Variants in TUB observed in about 807,000 individuals in gnomAD.
The protein encoded by TUB is tubby protein homolog.
Under a neutral mutation model 59.7 loss-of-function variants are expected in TUB, and 33 were observed. The ratio of observed to expected loss-of-function variants is 0.55; its 90% CI spans 0.42 to 0.74. TUB has a LOEUF of 0.74. Among genes scored for constraint, TUB ranks in the 30% least tolerant of loss-of-function variants. The pLI is 0.00. For missense variants in TUB, 659 were observed against 672.0 expected, an observed-to-expected ratio of 0.98 and a Z score of 0.21; for synonymous variants, 293 against 256.4, an observed-to-expected ratio of 1.14 and a Z score of -1.36.
At chr11:8,025,552 G>A (rs1381085052) in intron 1 of TUB, among the ~76,000 whole-genome samples, 4 of 152,148 alleles carry the variant, frequency 2.6e-5, no homozygotes, top group African/African-American at 7.2e-5. Flanking sequence ...TCGTTTCCTA[G>A]AGTTTTGTAT....
chr11:8,093,740 G>T (rs1037749142), intron 3 of TUB, among the ~76,000 whole-genome samples: 1 of 152,204 alleles, frequency 6.6e-6, no homozygotes, highest in Admixed American at 6.5e-5. Flanking sequence ...TTCAGGCTCA[G>T]TATGGTTTGG....
At chr11:8,039,796 C>T (rs541194079) in intron 2 of TUB, 2 of 919,978 alleles carry the variant, frequency 2.2e-6, no homozygotes, top group East Asian at 3.1e-5. Context: ...GGGCCATGAA[C>T]CCCATATGCG....
At position 8,101,505 on chromosome 11, in the gene TUB, G is replaced by C; in HGVS notation, c.1407G>C (p.Gln469His). 6.2e-7 allele frequency: 1 copy of C among 1,614,242 alleles called. No individual in the cohort carries two copies. ...HGNDPDYIVM[Q>H]FGRVAEDVFT... ...CCCCAGCGGACTACATCGTGATGCA[G>C]TTTGGCCGGGTAGCAGAGGATGTGT... Residue 469 changes from glutamine (Q) to histidine (H), a missense_variant, in exon 12 of 12, where the codon CAG becomes CAC. Physicochemically the swap from Gln to His is conservative, Grantham distance 24. Around this residue, in one of 3 missense-constraint regions of TUB, gnomAD observed 226 missense variants for 210.8 expected, o/e 1.07. Coordinates refer to ENST00000299506, the MANE Select transcript of TUB (RefSeq NM_177972.3).
intron 1 of TUB, among the ~76,000 whole-genome samples, chr11:8,085,159 A>G (rs1943641339): frequency 6.6e-6 from 1 of 152,100 alleles, no homozygotes; most frequent in Admixed American, 6.5e-5. Flanking sequence ...GCAGCCTTAT[A>G]ACGACTCCCT....
intron 2 of TUB, among the ~76,000 whole-genome samples, chr11:8,059,146 G>A (rs1943074933): frequency 6.6e-6 from 1 of 152,136 alleles, no homozygotes; most frequent in Non-Finnish European, 1.5e-5. Flanking sequence ...ACAAGCTGTG[G>A]CTTGTCACTA....
intron 2 of TUB, among the ~76,000 whole-genome samples, chr11:8,048,956 A>G (rs1942883128): frequency 6.6e-6 from 1 of 152,216 alleles, no homozygotes; most frequent in Non-Finnish European, 1.5e-5. Flanking sequence ...TAATTCTGTC[A>G]AAGAGATATG....
chr11:8,055,470 C>G lies in TUB; in HGVS notation c.203+15778C>G, dbSNP rs551992154. Among the ~76,000 whole-genome samples the G allele has an allele frequency of 2.6e-5, 4 of 152,152 alleles. No homozygotes were observed. In the East Asian group the frequency reaches 5.8e-4, roughly 22 times the overall value. ...CTAGACAGATGTGCTGGCATCTGCC[C>G]ATCATGGGCCCCAGAGCCCACCCAG... On this transcript the variant is annotated intron_variant, in intron 2 of 12. Coordinates refer to the TUB transcript ENST00000305253.
intron 2 of TUB, among the ~76,000 whole-genome samples, chr11:8,056,748 CTGAG>C (rs1242647729): frequency 6.6e-6 from 1 of 151,846 alleles, no homozygotes; most frequent in Non-Finnish European, 1.5e-5. Context: ...GAGCTTGTCT[CTGAG>C]TGGTATATGG....
chr11:8,101,004 G>T lies in TUB; in HGVS notation c.1387+7G>T. 6.2e-7 allele frequency: 1 copy of T among 1,614,092 alleles called. No individual in the cohort carries two copies. On this transcript the variant is annotated splice_region_variant and intron_variant, in intron 11 of 11. Coordinates refer to ENST00000299506, the MANE Select transcript of TUB (RefSeq NM_177972.3). Reference sequence around the variant, plus strand: ...ATCATCCATGGCAATGACCGTGAGTGTTTCTGTCCCTACTCATTATGGTCC... The same window carrying T: ...ATCATCCATGGCAATGACCGTGAGTTTTTCTGTCCCTACTCATTATGGTCC...
Position 8,049,578 on chromosome 11 carries a change from T to TATATATATATATATATATAG in TUB, c.203+9889_203+9890insTATATATATATATATAGATA, listed in dbSNP as rs1055522231. 1.4e-3 allele frequency among the ~76,000 whole-genome samples: 121 copies of TATATATATATATATATATAG among 85,906 alleles called. 2 individuals carry two copies. Among genetic ancestry groups the TATATATATATATATATATAG allele is most frequent in the South Asian group, 3.9e-3 (10 of 2,574 alleles). The allele number at this position is 85,906 out of a possible 152,430, so 56.4% of individuals were successfully genotyped here. A position where few individuals can be genotyped will look rare whatever the true frequency, so the allele number is the denominator to read the frequency against. ...ATTATGTGGTATATATATATATATATATAGATAGATAGATAGATAGATAGA... is the reference window on the plus strand; with the variant it reads ...ATTATGTGGTATATATATATATATATATATATATATATATATATAGATAGATAGATAGATAGATAGATAGA... On this transcript the variant is annotated intron_variant, in intron 2 of 12. Transcript: ENST00000305253.
At chr11:8,049,719 T>C (rs1942904010) in intron 2 of TUB, among the ~76,000 whole-genome samples, 1 of 152,020 alleles carries the variant, frequency 6.6e-6, no homozygotes, top group Non-Finnish European at 1.5e-5. Context: ...ATATTCATTG[T>C]AGTAAATTTG....
intron 1 of TUB, among the ~76,000 whole-genome samples, chr11:8,027,607 C>T (rs766629216): frequency 2.0e-5 from 3 of 152,160 alleles, no homozygotes; most frequent in Admixed American, 6.5e-5. Context: ...CTCTGCCTCT[C>T]GGGTTCAAGC....
upstream of TUB, among the ~76,000 whole-genome samples, chr11:8,081,006 G>A (rs1043017751): frequency 1.3e-5 from 2 of 152,234 alleles, no homozygotes; most frequent in Non-Finnish European, 2.9e-5. Flanking sequence ...AGGCTGGGAG[G>A]CCTGGGGACT....
intron 1 of TUB, among the ~76,000 whole-genome samples, chr11:8,030,525 G>A (rs1411762255): frequency 6.6e-6 from 1 of 152,162 alleles, no homozygotes; most frequent in Non-Finnish European, 1.5e-5. Flanking sequence ...AGGTGTCCTG[G>A]TCTTCTGATC....
intron 1 of TUB, among the ~76,000 whole-genome samples, chr11:8,023,097 C>T (rs552026498): frequency 1.3e-5 from 2 of 152,152 alleles, no homozygotes. Context: ...AAGGCTAGAG[C>T]AGCTGGGCCT....
intron 1 of TUB, among the ~76,000 whole-genome samples, chr11:8,024,676 C>T (rs1384476236): frequency 6.6e-6 from 1 of 152,204 alleles, no homozygotes; most frequent in African/African-American, 2.4e-5. Flanking sequence ...ATATGACATT[C>T]TCCCCTCATG....
At chr11:8,046,153 A>G (rs1431172748) in intron 2 of TUB, among the ~76,000 whole-genome samples, 1 of 151,680 alleles carries the variant, frequency 6.6e-6, no homozygotes, top group Non-Finnish European at 1.5e-5. Context: ...CCTTCTGGAA[A>G]CCCTTTCCAG....
chr11:8,058,456 G>T (rs1943059136), intron 2 of TUB, among the ~76,000 whole-genome samples: 1 of 152,196 alleles, frequency 6.6e-6, no homozygotes, highest in Non-Finnish European at 1.5e-5. Context: ...GACCAGGGGA[G>T]TCAACAGGTG....
chr11:8,062,509 TTG>T (rs1943149548), intron 2 of TUB, among the ~76,000 whole-genome samples: 4 of 48,252 alleles, frequency 8.3e-5, no homozygotes, highest in South Asian at 1.0e-3. Context: ...CTCTGAAGGT[TTG>T]TGTGCGTGTG....
Sources: allele counts gnomAD v4.1 joint callset (sites outside exome capture counted in the v4.1 genomes callset), GRCh38; gene constraint gnomAD v4.1.1; regional missense constraint gnomAD v4.1.1; transcripts MANE v1.5; gene names NCBI Gene and HGNC (gene_info 2026-07-23, HGNC 2026-07-21).